Variants in GABRA3 observed in about 807,000 individuals in gnomAD.
The protein encoded by GABRA3 is gamma-aminobutyric acid receptor subunit alpha-3.
A neutral mutation model predicts 30.1 loss-of-function variants in GABRA3; 10 were observed. The observed-to-expected ratio is 0.33, with a 90% confidence interval of 0.20 to 0.56. The LOEUF (loss-of-function observed/expected upper bound fraction) is 0.56. GABRA3 is among the 20% of genes least tolerant of loss of function. The pLI is 0.89. For synonymous variants in GABRA3, 151 were observed against 146.8 expected, an observed-to-expected ratio of 1.03 and a Z score of -0.21; for missense variants, 233 against 392.0, an observed-to-expected ratio of 0.59 and a Z score of 3.42.
intron 1 of GABRA3, among the ~76,000 whole-genome samples, chrX:152,398,487 T>C (rs1929716727): frequency 9.0e-6 from 1 of 111,411 alleles, no homozygotes; most frequent in Non-Finnish European, 1.9e-5. Context: ...ATGTCATTGG[T>C]TCTAAACTAG....
At chrX:152,182,452 T>A (rs1937167527) in intron 9 of GABRA3, among the ~76,000 whole-genome samples, 1 of 87,928 alleles carries the variant, frequency 1.1e-5, no homozygotes, top group South Asian at 5.2e-4. Context: ...ACACACTATA[T>A]ATAGTGTATA....
chrX:152,368,392 C>A (rs1273961517), intron 1 of GABRA3, among the ~76,000 whole-genome samples: 1 of 111,363 alleles, frequency 9.0e-6, no homozygotes, highest in Non-Finnish European at 1.9e-5. Flanking sequence ...CATGAGGTAT[C>A]TGTCTTTCTC....
chrX:152,236,122 C>G (rs1177019348), intron 5 of GABRA3, among the ~76,000 whole-genome samples: 1 of 88,858 alleles, frequency 1.1e-5, no homozygotes, highest in Non-Finnish European at 2.2e-5. Flanking sequence ...TTAGGTATAT[C>G]TCCCAATGCT....
chrX:152,174,692 C>A (rs997409252), intron 9 of GABRA3, among the ~76,000 whole-genome samples: 2 of 111,473 alleles, frequency 1.8e-5, no homozygotes, highest in Admixed American at 1.9e-4. Flanking sequence ...TGGATATTAG[C>A]CCTTTGTCAG....
intron 3 of GABRA3, among the ~76,000 whole-genome samples, chrX:152,333,024 G>A (rs1013849928): frequency 8.1e-5 from 9 of 111,151 alleles, no homozygotes; most frequent in Non-Finnish European, 1.7e-4. Flanking sequence ...AAAATCATTT[G>A]GATAAGAACT....
intron 5 of GABRA3, among the ~76,000 whole-genome samples, chrX:152,236,135 C>A (rs1482889373): frequency 1.6e-5 from 1 of 63,194 alleles, no homozygotes; most frequent in East Asian, 6.2e-4. Flanking sequence ...CCAATGCTAT[C>A]CCTCCCCCCT....
intron 3 of GABRA3, among the ~76,000 whole-genome samples, chrX:152,332,277 A>G (rs747376987): frequency 2.7e-5 from 3 of 112,110 alleles, no homozygotes; most frequent in Non-Finnish European, 3.8e-5. Flanking sequence ...CTCTCTTCAT[A>G]ATGCATAGAA....
intron 9 of GABRA3, among the ~76,000 whole-genome samples, chrX:152,177,374 A>C (rs1937087754): frequency 9.0e-6 from 1 of 111,375 alleles, no homozygotes; most frequent in Non-Finnish European, 1.9e-5. Context: ...GATAAGGATA[A>C]GAAGTGAGGG....
At chrX:152,266,265 T>C (rs1202910689) in intron 4 of GABRA3, among the ~76,000 whole-genome samples, 1 of 111,812 alleles carries the variant, frequency 8.9e-6, no homozygotes, top group African/African-American at 3.2e-5. Context: ...CAACAACACA[T>C]TAAAAAGATC....
intron 7 of GABRA3, among the ~76,000 whole-genome samples, chrX:152,205,218 T>G (rs751828331): frequency 3.6e-5 from 4 of 111,924 alleles, no homozygotes; most frequent in African/African-American, 1.3e-4. Flanking sequence ...CCATGATACC[T>G]GTGTTGGCAA....
chrX:152,239,643 G>T (rs1488404966), intron 5 of GABRA3, among the ~76,000 whole-genome samples: 16 of 90,217 alleles, frequency 1.8e-4, no homozygotes, highest in African/African-American at 7.2e-4. Context: ...CTCTTTGTAG[G>T]TCACTCAGGA....
chrX:152,385,500 G>A (rs116378989), intron 1 of GABRA3, among the ~76,000 whole-genome samples: 1,547 of 111,911 alleles, frequency 0.014, 32 homozygotes, highest in African/African-American at 0.047. Flanking sequence ...TAACAAGCAA[G>A]AAGCCACAAA....
At chrX:152,185,383 TTCTC>T (rs766886508) in intron 9 of GABRA3, among the ~76,000 whole-genome samples, 107 of 111,783 alleles carry the variant, frequency 9.6e-4, no homozygotes, top group African/African-American at 2.9e-3. Context: ...ATTCTTTTTG[TTCTC>T]TCTATTTAAA....
intron 6 of GABRA3, among the ~76,000 whole-genome samples, chrX:152,219,470 GA>G (rs770892581): frequency 9.4e-4 from 105 of 111,398 alleles, no homozygotes; most frequent in Non-Finnish European, 1.5e-3. Context: ...CTTGAGAAAT[GA>G]GCAAAACCAG....
At chrX:152,213,621 T>C (rs1937662755) in intron 6 of GABRA3, among the ~76,000 whole-genome samples, 1 of 111,674 alleles carries the variant, frequency 9.0e-6, no homozygotes, top group African/African-American at 3.3e-5. Context: ...AAATGCAAAG[T>C]CTTCTACGTG....
intron 5 of GABRA3, among the ~76,000 whole-genome samples, chrX:152,226,262 A>T (rs746818303): frequency 1.8e-5 from 2 of 111,748 alleles, no homozygotes; most frequent in Admixed American, 9.5e-5. Flanking sequence ...ATACCAGGAG[A>T]TATTTCTTGT....
At position 152,284,710 on chromosome X, in the gene GABRA3, G is replaced by A. The variant is rs766825310; in HGVS notation, c.288C>T (p.Asp96=). 2 of 1,190,932 alleles carry A rather than the reference G, an allele frequency of 1.7e-6. No homozygotes were observed. The highest frequency in any genetic ancestry group is 1.8e-5 in the African/African-American group (1 of 56,560). Residue 96 remains aspartate, a synonymous_variant, in exon 4 of 10, where the codon GAC becomes GAT. Transcript: ENST00000370314. ...LGDAVTEVKT[D]IYVTSFGPVS... ...CAGGGCCAAAACTGGTCACGTAGAT[G>A]TCAGTCTTCACTTCAGTCACTGCAT...
chrX:152,352,100 A>G (rs926344749), intron 2 of GABRA3, among the ~76,000 whole-genome samples: 2 of 111,498 alleles, frequency 1.8e-5, no homozygotes, highest in Non-Finnish European at 3.8e-5. Flanking sequence ...ATTTGCAAGA[A>G]TGACCAAAAT....
At chrX:152,442,212 T>C (rs908975850) in intron 1 of GABRA3, among the ~76,000 whole-genome samples, 1 of 110,907 alleles carries the variant, frequency 9.0e-6, no homozygotes, top group African/African-American at 3.3e-5. Context: ...AAACGGGGGC[T>C]AGACACAAAG....
Sources: allele counts gnomAD v4.1 joint callset (sites outside exome capture counted in the v4.1 genomes callset), GRCh38; gene constraint gnomAD v4.1.1; transcripts MANE v1.5; gene names NCBI Gene and HGNC (gene_info 2026-07-23, HGNC 2026-07-21).